The following ZDHHC5 variants were observed in gnomAD, a reference collection of about 807,000 sequenced individuals.
ZDHHC5 encodes the protein zDHHC palmitoyltransferase 5, also known as palmitoyltransferase ZDHHC5.
A neutral mutation model predicts 70.0 loss-of-function variants in ZDHHC5; 22 were observed. The ratio of observed to expected loss-of-function variants is 0.31; its 90% CI spans 0.22 to 0.45. The LOEUF (loss-of-function observed/expected upper bound fraction) is 0.45, where lower values mean the gene tolerates loss of function less well. ZDHHC5 is among the 20% of genes least tolerant of loss of function. The pLI is 1.00. For synonymous variants in ZDHHC5, 313 were observed against 347.8 expected (o/e 0.90, Z 1.11); for missense variants, 746 against 926.9 (o/e 0.80, Z 2.53).
Position 57,682,342 on chromosome 11 carries a change from A to AGTC in ZDHHC5, c.105-79_105-77dup, listed in dbSNP as rs1384664575. 10 of 1,516,438 alleles carry AGTC rather than the reference A, an allele frequency of 6.6e-6. No individual in the cohort carries two copies. In the Admixed American group the frequency reaches 2.1e-4, roughly 32 times the overall value. The allele number at this position is 1,516,438 out of a possible 1,614,324, so 93.9% of individuals were successfully genotyped here. A position where few individuals can be genotyped will look rare whatever the true frequency, so the allele number is the denominator to read the frequency against. ...AGATTTATCTATAGGTAAGGGGCTA[A>AGTC]GTCTTTACAGATTTTTGTATGTATG... On this transcript the variant is annotated intron_variant, in intron 2 of 11. Transcript: ENST00000287169.
intron 2 of ZDHHC5, among the ~76,000 whole-genome samples, chr11:57,675,927 C>G (rs1269615277): frequency 6.6e-6 from 1 of 152,218 alleles, no homozygotes; most frequent in Non-Finnish European, 1.5e-5. Context: ...GAGGAAAACT[C>G]TCTGAACTAG....
chr11:57,678,367 G>A (rs999006013), intron 2 of ZDHHC5, among the ~76,000 whole-genome samples: 1 of 152,106 alleles, frequency 6.6e-6, no homozygotes, highest in African/African-American at 2.4e-5. Context: ...TCAGGAGATC[G>A]AGACCATCCT....
At chr11:57,686,408 C>A (rs1037759313) in intron 3 of ZDHHC5, among the ~76,000 whole-genome samples, 1 of 151,872 alleles carries the variant, frequency 6.6e-6, no homozygotes, top group East Asian at 1.9e-4. Flanking sequence ...CTCTGCCTTT[C>A]GGGTTCAAGC....
intron 8 of ZDHHC5, 77 bp from the exon 9 acceptor site, chr11:57,695,843 C>T (rs1473944339): frequency 9.7e-6 from 15 of 1,539,314 alleles, no homozygotes; most frequent in Non-Finnish European, 1.2e-5. Context: ...ATACCTCCCT[C>T]TTATATCAAT....
chr11:57,697,596 T>C (rs773949535), intron 10 of ZDHHC5, among the ~76,000 whole-genome samples: 124 of 148,122 alleles, frequency 8.4e-4, no homozygotes, highest in Non-Finnish European at 1.6e-3. Flanking sequence ...TGAGTCGAGA[T>C]TGCGCCACTG....
intron 2 of ZDHHC5, among the ~76,000 whole-genome samples, chr11:57,678,570 C>CA (rs34342337): frequency 0.53 from 53,250 of 101,400 alleles, 13,053 homozygotes; most frequent in East Asian, 0.78. Flanking sequence ...AACTCTGTCT[C>CA]AAAAAAAAAA....
intron 3 of ZDHHC5, among the ~76,000 whole-genome samples, chr11:57,683,352 CAGATG>C (rs1304261355): frequency 6.6e-6 from 1 of 152,144 alleles, no homozygotes; most frequent in Non-Finnish European, 1.5e-5. Context: ...GGAAATAAAC[CAGATG>C]AGAACTTGAA....
In ZDHHC5 at chr11:57,700,184, T is replaced by C. The variant is rs963259473; in HGVS notation, c.*153T>C. On this transcript the variant is annotated 3_prime_UTR_variant, in exon 12 of 12. Transcript: ENST00000287169. ...ATGAGGAGTGTTTTCTAAAATGCAG[T>C]AGGCTTGGGGAGTCGGAGAGTTGGG... The C allele has an allele frequency of 1.7e-5, 18 of 1,063,216 alleles. No individual in the cohort carries two copies. Among genetic ancestry groups the C allele is most frequent in the Non-Finnish European group, 2.2e-5 (17 of 770,628 alleles). The allele number at this position is 1,063,216 out of a possible 1,614,324, so 65.9% of individuals were successfully genotyped here. A position where few individuals can be genotyped will look rare whatever the true frequency, so the allele number is the denominator to read the frequency against.
intron 7 of ZDHHC5, among the ~76,000 whole-genome samples, chr11:57,693,269 C>G (rs1311865202): frequency 6.6e-6 from 1 of 152,152 alleles, no homozygotes; most frequent in African/African-American, 2.4e-5. Context: ...AGCACACATA[C>G]AACCTAGATT....
intron 3 of ZDHHC5, among the ~76,000 whole-genome samples, chr11:57,686,106 C>T (rs1946205145): frequency 2.6e-5 from 4 of 152,070 alleles, no homozygotes; most frequent in Admixed American, 2.6e-4. Context: ...AAGGATCAGA[C>T]ATTTCAAAAT....
At chr11:57,684,126 CCA>C (rs1007388065) in intron 3 of ZDHHC5, among the ~76,000 whole-genome samples, 6 of 152,072 alleles carry the variant, frequency 3.9e-5, no homozygotes, top group African/African-American at 1.2e-4. Context: ...GCGCGGGCCA[CCA>C]CACACAGCTA....
At chr11:57,685,649 G>A (rs1416181245) in intron 3 of ZDHHC5, among the ~76,000 whole-genome samples, 2 of 151,904 alleles carry the variant, frequency 1.3e-5, no homozygotes, top group African/African-American at 4.8e-5. Context: ...AACTCCATCT[G>A]AAGAAAAGTA....
At position 57,672,190 on chromosome 11, in the gene ZDHHC5, C is replaced by G; in HGVS notation, c.-901C>G. On this transcript the variant is annotated 5_prime_UTR_variant, in exon 2 of 12. Coordinates refer to ENST00000287169, the MANE Select transcript of ZDHHC5 (RefSeq NM_015457.3). ...AATTGATTTCTTCATCTTATTCTGC[C>G]TATTGGGAAGAACATGGCTTCAAGG... 2.5e-6 allele frequency: 1 copy of G among 398,494 alleles called. No individual in the cohort carries two copies. The highest frequency in any genetic ancestry group is 3.6e-5 in the East Asian group (1 of 28,066). 24.7% of individuals were successfully genotyped at this position (398,494 alleles called of 1,614,324 possible). A position where few individuals can be genotyped will look rare whatever the true frequency, so the allele number is the denominator to read the frequency against.
chr11:57,696,203 AAG>A (rs1231150996), intron 9 of ZDHHC5, among the ~76,000 whole-genome samples, 160 bp downstream of exon 9: 2 of 152,178 alleles, frequency 1.3e-5, no homozygotes, highest in Admixed American at 6.5e-5. Context: ...ACTGAAAGAG[AAG>A]AGAGGCCATT....
At chr11:57,699,698 T>C (rs974636862) in intron 11 of ZDHHC5, among the ~76,000 whole-genome samples, 168 bp from the exon 12 acceptor site, 1 of 152,166 alleles carries the variant, frequency 6.6e-6, no homozygotes, top group African/African-American at 2.4e-5. Flanking sequence ...ATAGGAGAGA[T>C]TGGGAATCAG....
intron 8 of ZDHHC5, 23 bp from the exon 9 acceptor site, chr11:57,695,897 T>C: frequency 5.6e-6 from 9 of 1,606,196 alleles, no homozygotes; most frequent in Non-Finnish European, 7.6e-6. Flanking sequence ...TAAATCTGAT[T>C]TTCCCTCCCT....
At chr11:57,674,005 T>G (rs1303054708) in intron 2 of ZDHHC5, among the ~76,000 whole-genome samples, 1 of 152,204 alleles carries the variant, frequency 6.6e-6, no homozygotes, top group Non-Finnish European at 1.5e-5. Flanking sequence ...AGTTTTGGCT[T>G]TTAGTGCTAC....
In ZDHHC5 at chr11:57,699,977, A is replaced by T; in HGVS notation, c.2094A>T (p.Gly698=). 6.2e-7 allele frequency: 1 copy of T among 1,613,164 alleles called. No individual in the cohort carries two copies. Among genetic ancestry groups the T allele is most frequent in the South Asian group, 1.1e-5 (1 of 90,930 alleles). Residue 698 remains glycine, a synonymous_variant, in exon 12 of 12, where the codon GGA becomes GGT. Transcript: ENST00000287169. ...GQPPLSSPTR[G]GVKKVSGVGG... is the part of the protein sequence containing the mutation. ...CACCTCTCAGTAGCCCCACGAGGGG[A>T]GGAGTCAAGAAGGTGTCAGGGGTTG... is the stretch of plus-strand genomic sequence containing the variant.
At chr11:57,699,762 A>G in intron 11 of ZDHHC5, 104 bp from the exon 12 acceptor site, 1 of 1,429,884 alleles carries the variant, frequency 7.0e-7, no homozygotes, top group Non-Finnish European at 9.7e-7. Flanking sequence ...AAGTATGGAT[A>G]TAGAAAAGAA....
Sources: allele counts gnomAD v4.1 joint callset (sites outside exome capture counted in the v4.1 genomes callset), GRCh38; gene constraint gnomAD v4.1.1; transcripts MANE v1.5; gene names NCBI Gene and HGNC (gene_info 2026-07-23, HGNC 2026-07-21).